Variants in BTN3A2 observed in about 807,000 individuals in gnomAD.
BTN3A2 encodes the protein butyrophilin protein.
BTN3A2 carries 25 observed loss-of-function variants against 37.6 expected under a neutral mutation model. That is an observed-to-expected ratio of 0.66 (90% confidence interval 0.48 to 0.93). BTN3A2 has a LOEUF of 0.93. Ranked by LOEUF, BTN3A2 falls within the 40% of genes least tolerant of loss-of-function variation. The probability of loss-of-function intolerance (pLI) is 0.00; values close to 1 mark genes in which losing one functional copy is unlikely to be tolerated. For missense variants in BTN3A2, 266 were observed against 410.9 expected, an observed-to-expected ratio of 0.65 and a Z score of 3.05; for synonymous variants, 122 against 159.4, an observed-to-expected ratio of 0.77 and a Z score of 1.77.
Position 26,377,363 on chromosome 6 carries a change from G to C in BTN3A2, c.*1601G>C. ...GTTTGAGTTTGGTGCCACCTTATTG[G>C]CCCCTTTATACAGATAAGGAAACTG... is the stretch of plus-strand genomic sequence containing the variant. On this transcript the variant is annotated 3_prime_UTR_variant, in exon 11 of 11. Transcript: ENST00000377708. The C allele has an allele frequency of 1.7e-6, 1 of 589,032 alleles. No homozygotes were observed. Among genetic ancestry groups the C allele is most frequent in the East Asian group, 3.2e-5 (1 of 31,530 alleles). The allele number at this position is 589,032 out of a possible 1,614,324, so 36.5% of individuals were successfully genotyped here.
Position 26,370,375 on chromosome 6 carries a change from C to A in BTN3A2, c.487C>A (p.His163Asn), listed in dbSNP as rs199674196. The change falls in exon 5 of 11, where the codon CAT becomes AAT. Residue 163 changes from histidine to asparagine, a missense_variant. Around this residue, in one of 3 missense-constraint regions of BTN3A2, gnomAD observed 204 missense variants for 232.6 expected, o/e 0.88. Coordinates refer to ENST00000377708, the MANE Select transcript of BTN3A2 (RefSeq NM_007047.5). Reference sequence around the variant, plus strand: ...GAAGGGTTATGAGGATGGAGGGATCCATCTGGAGTGCAGGTCCACCGGCTG... The same window carrying A: ...GAAGGGTTATGAGGATGGAGGGATCAATCTGGAGTGCAGGTCCACCGGCTG... ...EVKGYEDGGI[H>N]LECRSTGWYP... 10 of 1,614,152 alleles carry A rather than the reference C, an allele frequency of 6.2e-6. No homozygotes were observed. Among genetic ancestry groups the A allele is most frequent in the Middle Eastern group, 3.3e-4 (2 of 6,062 alleles).
At position 26,373,074 on chromosome 6, in the gene BTN3A2, C is replaced by T. The variant is rs531941877; in HGVS notation, c.893C>T (p.Thr298Ile). ...QEMKEMGYAA[T>I]EREISLRESL... ...ATGAAAGAAATGGGATATGCTGCAA[C>T]AGAGCGGGAAATAAGCCTAAGAGGT... Residue 298 changes from threonine (T) to isoleucine (I), a missense_variant, in exon 6 of 11, where the codon ACA (threonine) becomes ATA (isoleucine). By Grantham distance (89) the Thr-to-Ile change is moderately conservative. Transcript: ENST00000377708. The T allele has an allele frequency of 6.2e-7, 1 of 1,614,002 alleles. No individual in the cohort carries two copies. The highest frequency in any genetic ancestry group is 8.5e-7 in the Non-Finnish European group (1 of 1,180,050).
At chr6:26,375,570 A>G in intron 10 of BTN3A2, 1 of 1,425,210 alleles carries the variant, frequency 7.0e-7, no homozygotes, top group Non-Finnish European at 9.6e-7. Context: ...GCCCAGTGGC[A>G]CTGTCCATAG....
At chr6:26,373,585 C>CTA in intron 8 of BTN3A2, 172 bp downstream of exon 8, 72 of 186,796 alleles carry the variant, frequency 3.9e-4, no homozygotes, top group Non-Finnish European at 4.2e-4. Flanking sequence ...CTTTTTCTCT[C>CTA]TAGAAAAAAA....
chr6:26,370,714 C>G, intron 5 of BTN3A2, 111 bp downstream of exon 5: 3 of 1,533,454 alleles, frequency 2.0e-6, no homozygotes, highest in South Asian at 2.5e-5. Flanking sequence ...ATATAAGGCC[C>G]AAAGCACAGA....
In BTN3A2 at chr6:26,374,310, C is replaced by T. The variant is rs1760480671; in HGVS notation, c.965-17C>T. 6.3e-7 allele frequency: 1 copy of T among 1,593,848 alleles called. No individual in the cohort carries two copies. The highest frequency in any genetic ancestry group is 1.4e-5 in the African/African-American group (1 of 72,938). ...AGGCAGAGTTCTGGTGACACCTCTACCTTTCTTTCATTGTAGGTGGAGAGG... is the reference window on the plus strand; with the variant it reads ...AGGCAGAGTTCTGGTGACACCTCTATCTTTCTTTCATTGTAGGTGGAGAGG... On this transcript the variant is annotated splice_polypyrimidine_tract_variant and intron_variant, in intron 8 of 10. Transcript: ENST00000377708.
chr6:26,373,588 GAA>G (rs539931551), intron 8 of BTN3A2, 175 bp downstream of exon 8: 6,456 of 140,516 alleles, frequency 0.046, 67 homozygotes, highest in South Asian at 0.062. Flanking sequence ...TTTCTCTCTA[GAA>G]AAAAAAAAAA....
In BTN3A2 at chr6:26,374,429, C is replaced by T; in HGVS notation, c.*6+56C>T. On this transcript the variant is annotated intron_variant, in intron 9 of 10. Coordinates refer to ENST00000377708, the MANE Select transcript of BTN3A2 (RefSeq NM_007047.5). ...TTTCAACTTTTTCTCCACTGTGACC[C>T]GTGGATGTTCTCAGCTGGATTAATT... 4 of 1,519,136 alleles carry T rather than the reference C, an allele frequency of 2.6e-6. 1 individual carries two copies. Among genetic ancestry groups the T allele is most frequent in the South Asian group, 2.2e-5 (2 of 88,962 alleles). 94.1% of individuals were successfully genotyped at this position (1,519,136 alleles called of 1,614,324 possible).
At chr6:26,369,061 G>C (rs919843141) in intron 4 of BTN3A2, 149 bp downstream of exon 4, 6 of 626,394 alleles carry the variant, frequency 9.6e-6, no homozygotes, top group Non-Finnish European at 1.7e-5. Context: ...TGAGGCCCTT[G>C]AGTAAGACAC....
chr6:26,367,675 C>A (rs894898750), intron 1 of BTN3A2, among the ~76,000 whole-genome samples: 2 of 152,176 alleles, frequency 1.3e-5, no homozygotes, highest in Non-Finnish European at 2.9e-5. Flanking sequence ...GTGGGTTCAG[C>A]CCCTGACTGA....
intron 1 of BTN3A2, among the ~76,000 whole-genome samples, chr6:26,366,996 T>G (rs1158522381): frequency 6.6e-6 from 1 of 152,250 alleles, no homozygotes; most frequent in East Asian, 1.9e-4. Context: ...AAAGCGTCCT[T>G]TCACTCACTT....
chr6:26,374,429 C>A, intron 9 of BTN3A2, 56 bp downstream of exon 9: 3 of 1,519,122 alleles, frequency 2.0e-6, no homozygotes, highest in East Asian at 2.3e-5. Flanking sequence ...CACTGTGACC[C>A]GTGGATGTTC....
Position 26,374,802 on chromosome 6 carries a change from A to G in BTN3A2, c.*34+4A>G. 1 of 1,522,312 alleles carries G rather than the reference A, an allele frequency of 6.6e-7. No individual in the cohort carries two copies. The highest frequency in any genetic ancestry group is 1.1e-5 in the South Asian group (1 of 89,178). The allele number at this position is 1,522,312 out of a possible 1,614,324, so 94.3% of individuals were successfully genotyped here. ...AAAATGGCCCTCTTCAAGCCTGGTG[A>G]GTAAATCACTGCATGTTCCCTGGAC... On this transcript the variant is annotated splice_donor_region_variant and intron_variant, in intron 10 of 10. Coordinates refer to ENST00000377708, the MANE Select transcript of BTN3A2 (RefSeq NM_007047.5).
At chr6:26,370,016 G>A (rs1759940058) in intron 4 of BTN3A2, among the ~76,000 whole-genome samples, 1 of 152,176 alleles carries the variant, frequency 6.6e-6, no homozygotes, top group Admixed American at 6.5e-5. Flanking sequence ...GCATTGCCTT[G>A]CTGAAGGTAA....
Position 26,371,926 on chromosome 6 carries a change from G to A in BTN3A2, c.716-971G>A, listed in dbSNP as rs61518529. Among the ~76,000 whole-genome samples, 975 of 152,214 alleles carry A rather than the reference G, an allele frequency of 6.4e-3. 30 individuals carry two copies. In the East Asian group the frequency reaches 0.086, roughly 13 times the overall value. On this transcript the variant is annotated intron_variant, in intron 5 of 10. Coordinates refer to ENST00000377708, the MANE Select transcript of BTN3A2 (RefSeq NM_007047.5). ...ACTCCTGACCTCAAGTGATCCACCC[G>A]CCTCAGCCTCCTAAAGTGCTGGGAT...
rs1240538905 is a variant in BTN3A2, at chr6:26,373,372, T to A, written c.938-15T>A. 5 of 1,603,654 alleles carry A rather than the reference T, an allele frequency of 3.1e-6. No homozygotes were observed. Among genetic ancestry groups the A allele is most frequent in the Non-Finnish European group, 4.2e-6 (5 of 1,177,300 alleles). On this transcript the variant is annotated splice_polypyrimidine_tract_variant and intron_variant, in intron 7 of 10. Transcript: ENST00000377708. ...TGAGCACCTTGATGACTCTTCCCTG[T>A]TCATTCCATTGCAGAGAGGAAAAAA...
rs1759715671 is a variant in BTN3A2, at chr6:26,368,242, G to C, written c.60G>C (p.Leu20Phe). 6.2e-7 allele frequency: 1 copy of C among 1,613,988 alleles called. No homozygotes were observed. The highest frequency in any genetic ancestry group is 1.3e-5 in the African/African-American group (1 of 74,882). Residue 20 changes from leucine (L) to phenylalanine (F), a missense_variant, in exon 3 of 11, where the codon TTG (leucine) becomes TTC (phenylalanine). Physicochemically the swap from Leu to Phe is conservative, Grantham distance 22 (BLOSUM62 0). Transcript: ENST00000377708. The part of the protein sequence containing the change: ...LLLNFHVSLL[L>F]VQLLTPCSAQ... ...TCAACTTTCATGTCTCCCTCCTCTT[G>C]GTCCAGCTGCTCACTCCTTGCTCAG...
chr6:26,371,671 C>T (rs971316140), intron 5 of BTN3A2, among the ~76,000 whole-genome samples: 4 of 151,722 alleles, frequency 2.6e-5, no homozygotes, highest in Middle Eastern at 3.4e-3. Context: ...TTCTGTTTTT[C>T]GTTGTGTGTG....
In BTN3A2 at chr6:26,377,272, C is replaced by T; in HGVS notation, c.*1510C>T. 1.3e-6 allele frequency: 1 copy of T among 781,254 alleles called. No individual in the cohort carries two copies. Among genetic ancestry groups the T allele is most frequent in the African/African-American group, 1.7e-5 (1 of 59,204 alleles). 48.4% of individuals were successfully genotyped at this position (781,254 alleles called of 1,614,324 possible). ...ACCCTCCACAACAGCCAGTCAGAAC[C>T]ATAAAGCTACAGGCACACACTGAAG... is the stretch of plus-strand genomic sequence containing the variant. On this transcript the variant is annotated 3_prime_UTR_variant, in exon 11 of 11. Transcript: ENST00000377708.
Sources: allele counts gnomAD v4.1 joint callset (sites outside exome capture counted in the v4.1 genomes callset), GRCh38; gene constraint gnomAD v4.1.1; regional missense constraint gnomAD v4.1.1; transcripts MANE v1.5; gene names NCBI Gene and HGNC (gene_info 2026-07-23, HGNC 2026-07-21).